Variants in PTPRR observed in about 807,000 individuals in gnomAD.
The protein encoded by PTPRR is protein tyrosine phosphatase receptor type R, also known as receptor-type tyrosine-protein phosphatase R.
PTPRR carries 38 observed loss-of-function variants against 77.2 expected under a neutral mutation model. The ratio of observed to expected loss-of-function variants is 0.49; its 90% CI spans 0.38 to 0.65. PTPRR has a LOEUF of 0.65. Among genes scored for constraint, PTPRR ranks in the 30% least tolerant of loss-of-function variants. The pLI is 0.00. For synonymous variants in PTPRR, 299 were observed against 283.1 expected, an observed-to-expected ratio of 1.06 and a Z score of -0.57; for missense variants, 744 against 799.2, an observed-to-expected ratio of 0.93 and a Z score of 0.83.
intron 2 of PTPRR, among the ~76,000 whole-genome samples, chr12:70,784,868 C>G (rs1891289995): frequency 6.6e-6 from 1 of 152,082 alleles, no homozygotes; most frequent in Non-Finnish European, 1.5e-5. Context: ...TAAAAAGTGG[C>G]CTGATTGGAT....
At position 70,671,906 on chromosome 12, in the gene PTPRR, C is replaced by T. The variant is rs566525516; in HGVS notation, c.1498-9301G>A. On this transcript the variant is annotated intron_variant, in intron 10 of 13. Transcript: ENST00000283228. ...CCAGCGCAGGAGGACCAGCCACCGCCGCCAGGCTCTGATGCTGGTCTCTGG... is the reference window on the plus strand; with the variant it reads ...CCAGCGCAGGAGGACCAGCCACCGCTGCCAGGCTCTGATGCTGGTCTCTGG... 1.2e-4 allele frequency: 96 copies of T among 831,788 alleles called. No individual in the cohort carries two copies. In the African/African-American group the frequency reaches 1.2e-3, roughly 10 times the overall value. 51.5% of individuals were successfully genotyped at this position (831,788 alleles called of 1,614,324 possible).
chr12:70,698,486 C>G, intron 7 of PTPRR, 137 bp from the exon 8 acceptor site: 1 of 627,606 alleles, frequency 1.6e-6, no homozygotes, highest in South Asian at 2.0e-5. Context: ...TCTGGTGGAC[C>G]AACACCCTTC....
chr12:70,716,715 C>T (rs1294869599), intron 6 of PTPRR, among the ~76,000 whole-genome samples: 1 of 152,278 alleles, frequency 6.6e-6, no homozygotes. Context: ...GGCGTGGTGG[C>T]TCATGGCTGT....
At chr12:70,755,270 C>G (rs7981022) in intron 4 of PTPRR, among the ~76,000 whole-genome samples, 97,880 of 151,958 alleles carry the variant, frequency 0.64, 35,263 homozygotes, top group East Asian at 0.84. Flanking sequence ...CCTTTTTATT[C>G]CCTTTAGTGA....
At chr12:70,839,258 A>T (rs970196891) in intron 2 of PTPRR, among the ~76,000 whole-genome samples, 2 of 152,120 alleles carry the variant, frequency 1.3e-5, no homozygotes, top group African/African-American at 4.8e-5. Flanking sequence ...TAGGAAAATG[A>T]AGTAAAGCCA....
intron 12 of PTPRR, among the ~76,000 whole-genome samples, chr12:70,658,897 T>G (rs1022570424): frequency 7.4e-6 from 1 of 135,790 alleles, no homozygotes; most frequent in African/African-American, 2.8e-5. Flanking sequence ...TTTTTTTTTT[T>G]TTTTTTTTTT....
chr12:70,675,663 G>A (rs1887418252), intron 10 of PTPRR, among the ~76,000 whole-genome samples: 1 of 151,358 alleles, frequency 6.6e-6, no homozygotes, highest in Non-Finnish European at 1.5e-5. Context: ...CTTTTTTTCT[G>A]GATTGAATTC....
At chr12:70,682,034 C>CTT (rs578204454) in intron 10 of PTPRR, among the ~76,000 whole-genome samples, 1,104 of 62,714 alleles carry the variant, frequency 0.018, 229 homozygotes, top group East Asian at 0.17. Flanking sequence ...TTGTTGTTCA[C>CTT]TTTTTTTTTT....
At chr12:70,817,805 TTAAGA>T (rs555665536) in intron 2 of PTPRR, among the ~76,000 whole-genome samples, 20 of 152,338 alleles carry the variant, frequency 1.3e-4, no homozygotes, top group Admixed American at 1.2e-3. Context: ...CACATATAAC[TTAAGA>T]TGTCACTCAG....
At chr12:70,801,398 C>T (rs949067436) in intron 2 of PTPRR, among the ~76,000 whole-genome samples, 1 of 152,132 alleles carries the variant, frequency 6.6e-6, no homozygotes, top group Non-Finnish European at 1.5e-5. Flanking sequence ...AGATTGCCTC[C>T]CCATTGTGGG....
intron 13 of PTPRR, among the ~76,000 whole-genome samples, chr12:70,648,571 T>G (rs1051720308): frequency 1.3e-5 from 2 of 152,108 alleles, no homozygotes; most frequent in South Asian, 2.1e-4. Flanking sequence ...CCAGAAAAGG[T>G]TGGAGATCAC....
intron 4 of PTPRR, 85 bp from the exon 5 acceptor site, chr12:70,754,386 C>A (rs1243040264): frequency 3.2e-6 from 5 of 1,587,048 alleles, no homozygotes; most frequent in Admixed American, 3.7e-5. Flanking sequence ...ATATTTTTAG[C>A]CTTATTCCAT....
intron 13 of PTPRR, among the ~76,000 whole-genome samples, chr12:70,642,230 C>T (rs926972307): frequency 1.3e-5 from 2 of 152,088 alleles, no homozygotes; most frequent in African/African-American, 4.8e-5. Flanking sequence ...AATAAAAAGT[C>T]AACAAGACTT....
rs369901734 is a variant in PTPRR at position 70,707,031 on chromosome 12, C to T, written c.1008-5708G>A. 2.0e-5 allele frequency among the ~76,000 whole-genome samples: 3 copies of T among 152,200 alleles called. No individual in the cohort carries two copies. In the East Asian group the frequency reaches 5.8e-4, roughly 29 times the overall value. The stretch of plus-strand genomic sequence containing the variant: ...CAGCTATGTGGGAGCTACATGAGTA[C>T]ACACTGATGAACATTTGAGGGAGGT... On this transcript the variant is annotated intron_variant, in intron 6 of 13. Transcript: ENST00000283228.
intron 10 of PTPRR, among the ~76,000 whole-genome samples, chr12:70,682,342 C>T (rs1164138529): frequency 6.6e-6 from 1 of 152,108 alleles, no homozygotes; most frequent in Non-Finnish European, 1.5e-5. Flanking sequence ...CGCGCCCGGC[C>T]GTTGTTCACT....
At chr12:70,844,102 C>T (rs2137062708) in intron 2 of PTPRR, among the ~76,000 whole-genome samples, 1 of 152,064 alleles carries the variant, frequency 6.6e-6, no homozygotes, top group East Asian at 1.9e-4. Flanking sequence ...AGGCGTGAGT[C>T]ACCATGCCCG....
In PTPRR at chr12:70,668,645, A is replaced by T. The variant is rs534997044; in HGVS notation, c.1498-6040T>A. On this transcript the variant is annotated intron_variant, in intron 10 of 13. Coordinates refer to ENST00000283228, the MANE Select transcript of PTPRR (RefSeq NM_002849.4). ...AGAATAATTTATTTTCTCCTCAAAC[A>T]TATAGTTTAATAAAGTCCACTTTAT... is the stretch of plus-strand genomic sequence containing the variant. Among the ~76,000 whole-genome samples, 34 of 152,296 alleles carry T rather than the reference A, an allele frequency of 2.2e-4. No homozygotes were observed. The South Asian group carries it at 6.2e-3, about 28-fold the overall frequency.
chr12:70,758,560 A>G (rs1195347251), intron 4 of PTPRR, among the ~76,000 whole-genome samples: 1 of 152,154 alleles, frequency 6.6e-6, no homozygotes, highest in Non-Finnish European at 1.5e-5. Flanking sequence ...AAATTTAAAG[A>G]ATTGTCCTAG....
At chr12:70,731,972 AAG>A (rs1472871495) in intron 6 of PTPRR, among the ~76,000 whole-genome samples, 3 of 152,108 alleles carry the variant, frequency 2.0e-5, no homozygotes, top group African/African-American at 7.2e-5. Flanking sequence ...CGGATGGGAG[AAG>A]AGAATTTAAG....
Sources: gnomAD v4.1 joint callset for allele counts (sites outside exome capture counted in the v4.1 genomes callset) on GRCh38, gnomAD v4.1.1 for gene constraint, MANE v1.5 for transcripts, NCBI Gene and HGNC (gene_info 2026-07-23, HGNC 2026-07-21) for gene names.